The following CENPC variants were observed in gnomAD, a reference collection of about 807,000 sequenced individuals.
The protein encoded by CENPC is CENP-C 1.
In CENPC, 63 loss-of-function variants were observed where a neutral mutation model predicts 112.1. That is an observed-to-expected ratio of 0.56 (90% CI 0.46 to 0.69). The LOEUF is 0.69. Among genes scored for constraint, CENPC ranks in the 30% least tolerant of loss-of-function variants. The pLI, the probability that CENPC is intolerant of heterozygous loss-of-function variation, is 0.00. For synonymous variants in CENPC, 333 were observed against 367.6 expected (o/e 0.91, Z 1.08); for missense variants, 1,000 against 1,103.8 (o/e 0.91, Z 1.33).
chr4:67,491,533 G>C (rs1292338402), intron 16 of CENPC, among the ~76,000 whole-genome samples: 1 of 45,092 alleles, frequency 2.2e-5, no homozygotes, highest in Non-Finnish European at 4.9e-5. Flanking sequence ...AGAGAGCCTG[G>C]TTGTTAAACA....
In CENPC at chr4:67,468,782, T is replaced by C. The variant is rs1306961385; in HGVS notation, c.*3823A>G. 1.3e-5 allele frequency: 2 copies of C among 152,232 alleles called. No homozygotes were observed. The highest frequency in any genetic ancestry group is 3.8e-4 in the East Asian group (2 of 5,198). The allele number at this position is 152,232 out of a possible 1,614,324, so 9.4% of individuals were successfully genotyped here. A position where few individuals can be genotyped will look rare whatever the true frequency, so the allele number is the denominator to read the frequency against. ...AAACCTGTAGGAAGTGTTCACTTCA[T>C]CTTTATTTGTGGTACAGTCATCCAT... On this transcript the variant is annotated 3_prime_UTR_variant, in exon 19 of 19. Transcript: ENST00000273853.
intron 17 of CENPC, among the ~76,000 whole-genome samples, chr4:67,480,631 G>C (rs1724930524): frequency 6.6e-6 from 1 of 152,146 alleles, no homozygotes; most frequent in South Asian, 2.1e-4. Flanking sequence ...AAAAGACAGA[G>C]AGGAGTCAAT....
At chr4:67,475,119 T>C (rs1200747975) in intron 17 of CENPC, 141 bp from the exon 18 acceptor site, 2 of 602,278 alleles carry the variant, frequency 3.3e-6, no homozygotes, top group African/African-American at 3.7e-5. Flanking sequence ...TACATTAAAT[T>C]TCATGGCAAA....
chr4:67,508,381 T>C (rs922825282), intron 10 of CENPC, among the ~76,000 whole-genome samples: 6 of 151,654 alleles, frequency 4.0e-5, no homozygotes, highest in Non-Finnish European at 5.9e-5. Context: ...GGTGTGGTGG[T>C]CCACACCTGT....
intron 17 of CENPC, among the ~76,000 whole-genome samples, chr4:67,475,279 G>A (rs961819567): frequency 2.6e-5 from 4 of 152,346 alleles, no homozygotes; most frequent in African/African-American, 9.6e-5. Context: ...AAGCATGAAA[G>A]GGACTTGCAC....
chr4:67,522,586 T>C (rs927998035), intron 5 of CENPC, among the ~76,000 whole-genome samples: 2 of 152,316 alleles, frequency 1.3e-5, no homozygotes, highest in Non-Finnish European at 2.9e-5. Flanking sequence ...CAGAGCCATA[T>C]AGCCTTTTAT....
chr4:67,537,521 G>A (rs2632450), intron 4 of CENPC, among the ~76,000 whole-genome samples: 95,743 of 151,858 alleles, frequency 0.63, 30,431 homozygotes, highest in East Asian at 0.81. Context: ...GGCCGGGTGC[G>A]GTGGCTCACA....
chr4:67,502,937 A>C (rs187941956), intron 12 of CENPC, among the ~76,000 whole-genome samples: 127 of 152,252 alleles, frequency 8.3e-4, no homozygotes, highest in African/African-American at 2.8e-3. Flanking sequence ...CATTGGTCTA[A>C]GCCAACACCT....
At chr4:67,503,517 C>A (rs948762014) in intron 12 of CENPC, among the ~76,000 whole-genome samples, 4 of 152,286 alleles carry the variant, frequency 2.6e-5, no homozygotes, top group South Asian at 2.1e-4. Context: ...CATCCTGCCC[C>A]TTCCAGAAAT....
rs778773467 is a variant in CENPC, at chr4:67,490,065, C to T, written c.2572G>A (p.Val858Ile). Residue 858 changes from valine (V) to isoleucine (I), a missense_variant, in exon 17 of 19, where the codon GTA (valine) becomes ATA (isoleucine). Physicochemically the swap from Val to Ile is conservative, Grantham distance 29. Coordinates refer to ENST00000273853, the MANE Select transcript of CENPC (RefSeq NM_001812.4). The stretch of plus-strand genomic sequence containing the variant: ...AAGGGTGTATCCAATGTCTTGTATA[C>T]CTTCAACTCACCATGCTTAACAAAA... ...QFFVKHGELKVYKTLDTPFFS... is the reference protein window; with the variant it reads ...QFFVKHGELKIYKTLDTPFFS... 1.9e-6 allele frequency: 3 copies of T among 1,610,330 alleles called. No individual in the cohort carries two copies. The highest frequency in any genetic ancestry group is 2.5e-6 in the Non-Finnish European group (3 of 1,178,216).
intron 7 of CENPC, among the ~76,000 whole-genome samples, chr4:67,517,101 C>A (rs1490914776): frequency 6.6e-6 from 1 of 151,900 alleles, no homozygotes; most frequent in Non-Finnish European, 1.5e-5. Flanking sequence ...TAATCAACTA[C>A]AGGAAGCAGA....
chr4:67,522,495 T>C (rs1726255555), intron 5 of CENPC, among the ~76,000 whole-genome samples: 1 of 152,068 alleles, frequency 6.6e-6, no homozygotes, highest in Admixed American at 6.6e-5. Context: ...CAGCATATTG[T>C]CTGGGTTCCA....
intron 2 of CENPC, among the ~76,000 whole-genome samples, chr4:67,543,913 A>C (rs971845533): frequency 2.6e-5 from 4 of 152,224 alleles, no homozygotes; most frequent in African/African-American, 9.6e-5. Context: ...CTTAGTCAGA[A>C]CTGAGACTCC....
intron 5 of CENPC, 80 bp from the exon 6 acceptor site, chr4:67,519,582 A>G: frequency 1.1e-6 from 1 of 950,428 alleles, no homozygotes. Flanking sequence ...AAATTCTGCA[A>G]TAATTTAATC....
intron 5 of CENPC, among the ~76,000 whole-genome samples, chr4:67,521,203 C>CAAAAAAAAAA (rs1726218133): frequency 2.5e-5 from 1 of 39,562 alleles, no homozygotes. Context: ...CCAAAACAAA[C>CAAAAAAAAAA]CAAAAAAAAA....
intron 13 of CENPC, among the ~76,000 whole-genome samples, chr4:67,494,243 T>C (rs555312483): frequency 2.6e-5 from 4 of 152,328 alleles, no homozygotes; most frequent in African/African-American, 7.2e-5. Context: ...ACACTCATCT[T>C]ATCTGAACAA....
chr4:67,513,431 G>A (rs1254787229), intron 8 of CENPC, among the ~76,000 whole-genome samples: 2 of 152,114 alleles, frequency 1.3e-5, no homozygotes, highest in Non-Finnish European at 2.9e-5. Flanking sequence ...GTAGAATATA[G>A]CAGGTACTCA....
chr4:67,491,474 TATATATAGAGAGAGAGAGAG>T (rs1445537734), intron 16 of CENPC, among the ~76,000 whole-genome samples: 8 of 32,766 alleles, frequency 2.4e-4, no homozygotes, highest in Admixed American at 4.4e-4. Context: ...TATATATATA[TATATATAGAGAGAGAGAGAG>T]AGAGAGAGAG....
chr4:67,490,053 A>G lies in CENPC; in HGVS notation c.2584T>C (p.Leu862=). Residue 862 remains leucine, a synonymous_variant, in exon 17 of 19, where the codon TTG becomes CTG. Coordinates refer to ENST00000273853, the MANE Select transcript of CENPC (RefSeq NM_001812.4). The part of the protein sequence containing the change: ...KHGELKVYKT[L]DTPFFSTGKL... ...CCAGTAGAAAAAAAGGGTGTATCCAATGTCTTGTATACCTTCAACTCACCA... is the reference window on the plus strand; with the variant it reads ...CCAGTAGAAAAAAAGGGTGTATCCAGTGTCTTGTATACCTTCAACTCACCA... The G allele has an allele frequency of 6.2e-7, 1 of 1,610,502 alleles. No individual in the cohort carries two copies. Among genetic ancestry groups the G allele is most frequent in the Non-Finnish European group, 8.5e-7 (1 of 1,178,282 alleles).
Sources: gnomAD v4.1 joint callset for allele counts (sites outside exome capture counted in the v4.1 genomes callset) on GRCh38, gnomAD v4.1.1 for gene constraint, MANE v1.5 for transcripts, NCBI Gene and HGNC (gene_info 2026-07-23, HGNC 2026-07-21) for gene names.